The following NECAP2 variants were observed in gnomAD, a reference collection of about 807,000 sequenced individuals.
NECAP2 encodes the protein adaptin ear-binding coat-associated protein 2.
Under a neutral mutation model 37.8 loss-of-function variants are expected in NECAP2, and 38 were observed. The observed-to-expected ratio is 1.01, with a 90% CI of 0.78 to 1.32. The LOEUF is 1.32. NECAP2 is among the 40% of genes most tolerant of loss of function. The pLI, the probability that NECAP2 is intolerant of heterozygous loss-of-function variation, is 0.00. For synonymous variants in NECAP2, 121 were observed against 127.7 expected, an observed-to-expected ratio of 0.95 and a Z score of 0.35; for missense variants, 316 against 334.5, an observed-to-expected ratio of 0.94 and a Z score of 0.43.
rs772717841 is a variant in NECAP2, at chr1:16,447,994, C to G, written c.298+20C>G. On this transcript the variant is annotated intron_variant, in intron 3 of 7. Coordinates refer to ENST00000337132, the MANE Select transcript of NECAP2 (RefSeq NM_018090.5). ...GAAATGGTAGGCATGGGTCCTGGTG[C>G]TTCCTCCTCTTGGGAAAGGTTTTCT... 9 of 1,613,404 alleles carry G rather than the reference C, an allele frequency of 5.6e-6. No homozygotes were observed. The East Asian group carries it at 2.0e-4, about 36-fold the overall frequency.
intron 1 of NECAP2, among the ~76,000 whole-genome samples, chr1:16,442,124 A>G (rs1029680446): frequency 6.6e-6 from 1 of 151,936 alleles, no homozygotes; most frequent in African/African-American, 2.4e-5. Context: ...GATTACAGCC[A>G]TACACCACCA....
At chr1:16,451,797 C>T in intron 5 of NECAP2, 41 bp from the exon 6 acceptor site, 1 of 1,612,086 alleles carries the variant, frequency 6.2e-7, no homozygotes, top group Non-Finnish European at 8.5e-7. Flanking sequence ...CATTGGGACT[C>T]CAGCAGAACG....
At chr1:16,450,280 GTTTTGTTGTTTTT>G (rs1447335670) in intron 5 of NECAP2, 119 of 361,428 alleles carry the variant, frequency 3.3e-4, no homozygotes, top group Non-Finnish European at 6.1e-4. Context: ...TTTTTGTTTT[GTTTTGTTGTTTTT>G]TTTTTTTAGG....
chr1:16,455,984 A>G, intron 7 of NECAP2, 91 bp downstream of exon 7: 1 of 848,616 alleles, frequency 1.2e-6, no homozygotes, highest in African/African-American at 1.7e-5. Flanking sequence ...TTCTGGTGTT[A>G]GGATTAGGAG....
At chr1:16,457,496 G>A (rs1286015901) in intron 7 of NECAP2, among the ~76,000 whole-genome samples, 1 of 152,054 alleles carries the variant, frequency 6.6e-6, no homozygotes, top group African/African-American at 2.4e-5. Context: ...GTGAAATGAG[G>A]ACTGTAACCC....
chr1:16,459,541 G>A lies in NECAP2; in HGVS notation c.*651G>A, dbSNP rs2086983382. ...TCGGCGTGCCCCAGCTGGGGCCTCTGAAGGGATTCCTCACTGTGGGCAGCT... is the reference window on the plus strand; with the variant it reads ...TCGGCGTGCCCCAGCTGGGGCCTCTAAAGGGATTCCTCACTGTGGGCAGCT... On this transcript the variant is annotated 3_prime_UTR_variant, in exon 8 of 8. Transcript: ENST00000337132. 1 of 152,346 alleles carries A rather than the reference G, an allele frequency of 6.6e-6. No homozygotes were observed. 9.4% of individuals were successfully genotyped at this position (152,346 alleles called of 1,614,324 possible). A position where few individuals can be genotyped will look rare whatever the true frequency, so the allele number is the denominator to read the frequency against.
chr1:16,443,822 G>A, intron 2 of NECAP2, 90 bp downstream of exon 2: 1 of 980,270 alleles, frequency 1.0e-6, no homozygotes, highest in Non-Finnish European at 1.6e-6. Context: ...CTGCTCAGGG[G>A]TCATGGGAAC....
chr1:16,451,584 A>T, intron 5 of NECAP2: 1 of 535,506 alleles, frequency 1.9e-6, no homozygotes, highest in Non-Finnish European at 3.3e-6. Flanking sequence ...ATGGTATATC[A>T]TTATAGCTTT....
intron 5 of NECAP2, chr1:16,450,952 C>T (rs1312513809): frequency 1.3e-5 from 2 of 152,146 alleles, no homozygotes; most frequent in East Asian, 3.9e-4. Context: ...AACTCTGGCT[C>T]AAAAAACAAA....
rs2086786655 is a variant in NECAP2 at position 16,447,926 on chromosome 1, G to A, written c.250G>A (p.Val84Met). 1 of 1,614,170 alleles carries A rather than the reference G, an allele frequency of 6.2e-7. No individual in the cohort carries two copies. The highest frequency in any genetic ancestry group is 1.6e-4 in the Middle Eastern group (1 of 6,062). The part of the protein sequence containing the change: ...DQFPGTAVES[V>M]TDSSRYFVIR... ...GTTTCCTGGCACAGCTGTGGAGAGTGTGACGGATTCCAGCAGGTACTTCGT... is the reference window on the plus strand; with the variant it reads ...GTTTCCTGGCACAGCTGTGGAGAGTATGACGGATTCCAGCAGGTACTTCGT... The change falls in exon 3 of 8, where the codon GTG becomes ATG. Residue 84 changes from valine to methionine, a missense_variant. Val to Met is a conservative substitution (Grantham distance 21). Coordinates refer to ENST00000337132, the MANE Select transcript of NECAP2 (RefSeq NM_018090.5).
In NECAP2 at chr1:16,447,882, C is replaced by A; in HGVS notation, c.206C>A (p.Ala69Asp). Reference sequence around the variant, plus strand: ...CCTGTGCTTTCAGGGGAGCTCTTTGCTCAGGCCCCGGTGGATCAGTTTCCT... The same window carrying A: ...CCTGTGCTTTCAGGGGAGCTCTTTGATCAGGCCCCGGTGGATCAGTTTCCT... ...LEDRTSGELF[A>D]QAPVDQFPGT... Residue 69 changes from alanine (A) to aspartate (D), a missense_variant, in exon 3 of 8, where the codon GCT (alanine) becomes GAT (aspartate). Ala to Asp is a moderately radical substitution (Grantham distance 126). This residue lies in a region of NECAP2 where 81 missense variants were observed against 124.2 expected (regional missense o/e 0.65). Transcript: ENST00000337132. 6.2e-7 allele frequency: 1 copy of A among 1,614,096 alleles called. No individual in the cohort carries two copies. The highest frequency in any genetic ancestry group is 8.5e-7 in the Non-Finnish European group (1 of 1,179,972).
chr1:16,450,574 T>G (rs1324991062), intron 5 of NECAP2: 1 of 154,974 alleles, frequency 6.5e-6, no homozygotes, highest in Non-Finnish European at 1.4e-5. Context: ...AGTTTTTTTT[T>G]TAAAGCATTT....
At chr1:16,451,748 T>C in intron 5 of NECAP2, 90 bp from the exon 6 acceptor site, 1 of 1,415,672 alleles carries the variant, frequency 7.1e-7, no homozygotes, top group Non-Finnish European at 9.9e-7. Flanking sequence ...GTTGGGGGTC[T>C]GGGGTCACCT....
intron 1 of NECAP2, among the ~76,000 whole-genome samples, chr1:16,442,087 T>A (rs2086697990): frequency 6.6e-6 from 1 of 151,722 alleles, no homozygotes; most frequent in Admixed American, 6.6e-5. Flanking sequence ...CAAGCGATTC[T>A]CCTGCCTCAG....
In NECAP2 at chr1:16,458,985, T is replaced by G; in HGVS notation, c.*95T>G. ...CGAAGCCCTCCTCAGCTGGCCTGTGTTTGGGGCATGAATCTCTCCTCTCCT... is the reference window on the plus strand; with the variant it reads ...CGAAGCCCTCCTCAGCTGGCCTGTGGTTGGGGCATGAATCTCTCCTCTCCT... On this transcript the variant is annotated 3_prime_UTR_variant, in exon 8 of 8. Coordinates refer to ENST00000337132, the MANE Select transcript of NECAP2 (RefSeq NM_018090.5). 6.2e-7 allele frequency: 1 copy of G among 1,604,610 alleles called. No homozygotes were observed. The highest frequency in any genetic ancestry group is 8.5e-7 in the Non-Finnish European group (1 of 1,175,658).
chr1:16,443,011 T>G (rs1031123900), intron 1 of NECAP2, among the ~76,000 whole-genome samples: 1 of 152,228 alleles, frequency 6.6e-6, no homozygotes, highest in Non-Finnish European at 1.5e-5. Context: ...TCACATGTAC[T>G]GTTGTTCTCC....
At chr1:16,455,918 G>A in intron 7 of NECAP2, 25 bp downstream of exon 7, 1 of 1,592,274 alleles carries the variant, frequency 6.3e-7, no homozygotes, top group Non-Finnish European at 8.6e-7. Flanking sequence ...GTTCTGCGGA[G>A]GGGCTGGGGC....
rs762005609 is a variant in NECAP2 at position 16,458,900 on chromosome 1, G to A, written c.*10G>A. ...CTGGGTCCAGTTCTGACCTGAGCAC[G>A]GTTTTTCCTCATGTGACTTCTGGGA... On this transcript the variant is annotated 3_prime_UTR_variant, in exon 8 of 8. Transcript: ENST00000337132. The A allele has an allele frequency of 3.7e-6, 6 of 1,614,062 alleles. No individual in the cohort carries two copies. The highest frequency in any genetic ancestry group is 2.7e-5 in the African/African-American group (2 of 75,028).
chr1:16,452,084 C>G (rs1331356111), intron 6 of NECAP2, 69 bp downstream of exon 6: 3 of 1,447,344 alleles, frequency 2.1e-6, no homozygotes, highest in Non-Finnish European at 2.8e-6. Context: ...AGCCAGGCCC[C>G]ATGGTTTCCC....
Sources: allele counts gnomAD v4.1 joint callset (sites outside exome capture counted in the v4.1 genomes callset), GRCh38; gene constraint gnomAD v4.1.1; regional missense constraint gnomAD v4.1.1; transcripts MANE v1.5; gene names NCBI Gene and HGNC (gene_info 2026-07-23, HGNC 2026-07-21).